Variants in METTL6 observed in about 807,000 individuals in gnomAD.
METTL6 encodes the protein tRNA N(3)-cytidine methyltransferase METTL6.
A neutral mutation model predicts 26.4 loss-of-function variants in METTL6; 22 were observed. The observed-to-expected ratio is 0.83, with a 90% confidence interval of 0.59 to 1.19. The LOEUF (loss-of-function observed/expected upper bound fraction) is 1.19. Among genes scored for constraint, METTL6 ranks in the 50% most tolerant of loss-of-function variants. The pLI is 0.00. For missense variants in METTL6, 304 were observed against 324.8 expected (o/e 0.94, Z 0.49); for synonymous variants, 109 against 116.2 (o/e 0.94, Z 0.40).
intron 6 of METTL6, among the ~76,000 whole-genome samples, chr3:15,392,735 A>G (rs1401075863): frequency 6.6e-6 from 1 of 152,170 alleles, no homozygotes; most frequent in Non-Finnish European, 1.5e-5. Flanking sequence ...TTTTCCCAGC[A>G]CCATTTATTA....
At chr3:15,409,130 C>T (rs905775953), downstream of METTL6, among the ~76,000 whole-genome samples, 3 of 152,184 alleles carry the variant, frequency 2.0e-5, no homozygotes, top group African/African-American at 4.8e-5. Context: ...ACACCCAGCA[C>T]GCACAGTGTG....
In METTL6 at chr3:15,426,488, C is replaced by A; in HGVS notation, c.24G>T (p.Gly8=). 1 of 1,613,884 alleles carries A rather than the reference C, an allele frequency of 6.2e-7. No homozygotes were observed. The highest frequency in any genetic ancestry group is 1.1e-5 in the South Asian group (1 of 91,078). ...CAGAGGTGAGAATCCTTGCCTGCAG[C>A]CCTTTCCTTTGCAAAGAAGCCATCT... MASLQRK[G]LQARILTSEE... The change falls in exon 2 of 6, where the codon GGG becomes GGT. Residue 8 remains glycine, a synonymous_variant. Coordinates refer to ENST00000383790, the MANE Select transcript of METTL6 (RefSeq NM_152396.4).
At chr3:15,415,665 G>C (rs1337716473) in intron 4 of METTL6, 107 bp downstream of exon 4, 1 of 1,599,160 alleles carries the variant, frequency 6.3e-7, no homozygotes, top group Non-Finnish European at 8.6e-7. Flanking sequence ...TACCTAGTGA[G>C]AATGGAGAGA....
chr3:15,414,203 C>A, intron 4 of METTL6, 41 bp from the exon 5 acceptor site: 1 of 1,577,836 alleles, frequency 6.3e-7, no homozygotes, highest in South Asian at 1.2e-5. Context: ...TTGGAGAACC[C>A]TGTCAAAATA....
downstream of METTL6, among the ~76,000 whole-genome samples, chr3:15,409,702 G>A (rs1204754152): frequency 6.6e-6 from 1 of 152,148 alleles, no homozygotes; most frequent in Non-Finnish European, 1.5e-5. Context: ...GGCAAACAAT[G>A]TGGCAAGGAA....
downstream of METTL6, among the ~76,000 whole-genome samples, chr3:15,405,306 T>G (rs752493561): frequency 1.2e-4 from 19 of 152,198 alleles, no homozygotes; most frequent in Non-Finnish European, 2.2e-4. Context: ...AGTAAACACC[T>G]TCAGAAGGGA....
rs1401138751 is a variant in METTL6 at position 15,411,172 on chromosome 3, G to A, written c.*84C>T. 6.9e-7 allele frequency: 1 copy of A among 1,455,288 alleles called. No individual in the cohort carries two copies. Among genetic ancestry groups the A allele is most frequent in the Non-Finnish European group, 9.3e-7 (1 of 1,076,208 alleles). The allele number at this position is 1,455,288 out of a possible 1,614,324, so 90.1% of individuals were successfully genotyped here. A position where few individuals can be genotyped will look rare whatever the true frequency, so the allele number is the denominator to read the frequency against. ...GGCCTCCCGAAGTGCTGGGATTACA[G>A]GCATGAGCCACCGCACCCAGACGAA... On this transcript the variant is annotated 3_prime_UTR_variant, in exon 6 of 6. Coordinates refer to ENST00000383790, the MANE Select transcript of METTL6 (RefSeq NM_152396.4).
chr3:15,395,514 G>C (rs371502886), intron 6 of METTL6, among the ~76,000 whole-genome samples: 2 of 151,644 alleles, frequency 1.3e-5, no homozygotes, highest in South Asian at 4.2e-4. Flanking sequence ...AGGTTAATAT[G>C]GTTATGTGTG....
chr3:15,427,412 G>A lies in METTL6; in HGVS notation c.-135C>T, dbSNP rs1490662582. ...GCCAGGCGCACTCACCCCACAGCCAGCCCCACTGGGCCTCGGAGGCAGAAT... is the reference window on the plus strand; with the variant it reads ...GCCAGGCGCACTCACCCCACAGCCAACCCCACTGGGCCTCGGAGGCAGAAT... On this transcript the variant is annotated 5_prime_UTR_variant, in exon 1 of 6. Coordinates refer to ENST00000383790, the MANE Select transcript of METTL6 (RefSeq NM_152396.4). The A allele has an allele frequency of 3.3e-5, 10 of 301,062 alleles. No individual in the cohort carries two copies. Among genetic ancestry groups the A allele is most frequent in the Non-Finnish European group, 6.4e-6 (1 of 155,952 alleles). 18.6% of individuals were successfully genotyped at this position (301,062 alleles called of 1,614,324 possible). A position where few individuals can be genotyped will look rare whatever the true frequency, so the allele number is the denominator to read the frequency against.
At chr3:15,392,844 C>T (rs1481071814) in intron 6 of METTL6, among the ~76,000 whole-genome samples, 4 of 152,052 alleles carry the variant, frequency 2.6e-5, no homozygotes, top group African/African-American at 7.3e-5. Flanking sequence ...CTGTTCTGTT[C>T]CATTGGTCTA....
chr3:15,417,255 G>C (rs1020646442), intron 3 of METTL6, among the ~76,000 whole-genome samples: 1 of 152,124 alleles, frequency 6.6e-6, no homozygotes, highest in Non-Finnish European at 1.5e-5. Context: ...AGGAGTTTGA[G>C]ACCAGCCTGG....
chr3:15,411,435 A>G lies in METTL6; in HGVS notation c.676T>C (p.Phe226Leu), dbSNP rs772777179. ...GTGTCCATAAAGAGCTGAGCCAGGA[A>G]GTCTGTAAGACAAGCATCAACAATG... ...GTRSYFFTDD[F>L]LAQLFMDTGY... The change falls in exon 6 of 6, where the codon TTC becomes CTC. Residue 226 changes from phenylalanine (F) to leucine (L), a missense_variant and splice_region_variant. Coordinates refer to ENST00000383790, the MANE Select transcript of METTL6 (RefSeq NM_152396.4). 1 of 1,613,174 alleles carries G rather than the reference A, an allele frequency of 6.2e-7. No individual in the cohort carries two copies. The highest frequency in any genetic ancestry group is 1.1e-5 in the South Asian group (1 of 90,976).
At chr3:15,397,887 G>A (rs1300455382) in intron 6 of METTL6, among the ~76,000 whole-genome samples, 2 of 151,952 alleles carry the variant, frequency 1.3e-5, no homozygotes, top group Non-Finnish European at 1.5e-5. Context: ...TGACCTTTTG[G>A]GATACTTTCT....
In METTL6 at chr3:15,415,796, G is replaced by C. The variant is rs769652446; in HGVS notation, c.507C>G (p.His169Gln). The part of the protein sequence containing the change: ...VLSAVHPDKM[H>Q]LVLQNIYKVL... ...CCTTGTAAATGTTTTGTAAGACAAG[G>C]TGCATCTTATCAGGATGAACAGCTG... is the stretch of plus-strand genomic sequence containing the variant. The change falls in exon 4 of 6, where the codon CAC becomes CAG. Residue 169 changes from histidine (H) to glutamine (Q), a missense_variant. By Grantham distance (24) the His-to-Gln change is conservative (BLOSUM62 0). Transcript: ENST00000383790. 1.2e-6 allele frequency: 2 copies of C among 1,614,010 alleles called. No homozygotes were observed. Among genetic ancestry groups the C allele is most frequent in the Admixed American group, 3.3e-5 (2 of 59,990 alleles).
intron 3 of METTL6, among the ~76,000 whole-genome samples, chr3:15,423,254 G>A (rs1211879325): frequency 1.3e-5 from 2 of 152,148 alleles, no homozygotes; most frequent in Non-Finnish European, 2.9e-5. Flanking sequence ...AAATTAGCCA[G>A]GAGTGGTGGG....
Position 15,399,315 on chromosome 3 carries a change from C to T in METTL6, c.*11+11930G>A, listed in dbSNP as rs772735409. On this transcript the variant is annotated intron_variant, in intron 6 of 6. Coordinates refer to the METTL6 transcript ENST00000443029. Reference sequence around the variant, plus strand: ...ACTAGCAGCCCTCAGGGCCACTATGCCTACAGAGTAGCCATTCTTTTATTC... The same window carrying T: ...ACTAGCAGCCCTCAGGGCCACTATGTCTACAGAGTAGCCATTCTTTTATTC... 3 of 151,882 alleles carry T rather than the reference C, an allele frequency of 2.0e-5. No individual in the cohort carries two copies. In the East Asian group the frequency reaches 5.8e-4, roughly 29 times the overall value. The allele number at this position is 151,882 out of a possible 1,614,324, so 9.4% of individuals were successfully genotyped here.
At chr3:15,399,730 A>G (rs781541773) in intron 6 of METTL6, among the ~76,000 whole-genome samples, 41 of 152,134 alleles carry the variant, frequency 2.7e-4, no homozygotes, top group Non-Finnish European at 5.4e-4. Flanking sequence ...AGTGCAGCCC[A>G]AAAGGTGAAA....
chr3:15,413,964 TCA>T lies in METTL6; in HGVS notation c.673+55_673+56del. On this transcript the variant is annotated intron_variant, in intron 5 of 5. Coordinates refer to ENST00000383790, the MANE Select transcript of METTL6 (RefSeq NM_152396.4). ...AAGCAGCCTTGCAGTGATAATGCAA[TCA>T]AATAAACAGAAACAAAGAATAAAAC... 5 of 1,610,826 alleles carry T rather than the reference TCA, an allele frequency of 3.1e-6. No individual in the cohort carries two copies. The South Asian group carries it at 5.5e-5, about 18-fold the overall frequency.
chr3:15,397,300 C>T (rs909914596), intron 6 of METTL6, among the ~76,000 whole-genome samples: 1 of 152,334 alleles, frequency 6.6e-6, no homozygotes, highest in Non-Finnish European at 1.5e-5. Context: ...GGGATATAAT[C>T]TCCTGGTGTG....
Sources: allele counts gnomAD v4.1 joint callset (sites outside exome capture counted in the v4.1 genomes callset), GRCh38; gene constraint gnomAD v4.1.1; transcripts MANE v1.5; gene names NCBI Gene and HGNC (gene_info 2026-07-23, HGNC 2026-07-21).